Variants in FBXO27 observed in about 807,000 individuals in gnomAD.
The protein encoded by FBXO27 is F-box protein 27.
Under a neutral mutation model 28.3 loss-of-function variants are expected in FBXO27, and 28 were observed. The ratio of observed to expected loss-of-function variants is 0.99; its 90% CI spans 0.73 to 1.36. The LOEUF (loss-of-function observed/expected upper bound fraction) is 1.36. Ranked by LOEUF, FBXO27 falls within the 40% of genes most tolerant of loss-of-function variation. The pLI, the probability that FBXO27 is intolerant of heterozygous loss-of-function variation, is 0.00. For missense variants in FBXO27, 388 were observed against 394.1 expected (o/e 0.98, Z 0.13); for synonymous variants, 175 against 167.3 (o/e 1.05, Z -0.36).
At chr19:39,010,730 G>A (rs568100216) in intron 2 of FBXO27, among the ~76,000 whole-genome samples, 29 of 152,346 alleles carry the variant, frequency 1.9e-4, no homozygotes, top group African/African-American at 7.0e-4. Context: ...ATCTGCATGT[G>A]TTTAAAGTAG....
chr19:39,007,394 G>T (rs1304170034), intron 2 of FBXO27, among the ~76,000 whole-genome samples: 1 of 152,180 alleles, frequency 6.6e-6, no homozygotes, highest in Admixed American at 6.6e-5. Flanking sequence ...CAGGAGCTGG[G>T]CCACCCCAGG....
chr19:39,031,181 C>G (rs998322265), intron 3 of FBXO27, 28 bp downstream of exon 3: 1 of 1,613,278 alleles, frequency 6.2e-7, no homozygotes, highest in Non-Finnish European at 8.5e-7. Context: ...AACAAGGGGC[C>G]GGACCTTTGG....
rs765448795 is a variant in FBXO27 at position 39,025,555 on chromosome 19, C to T, written c.709-1G>A. 6.2e-7 allele frequency: 1 copy of T among 1,612,546 alleles called. No homozygotes were observed. Among genetic ancestry groups the T allele is most frequent in the Non-Finnish European group, 8.5e-7 (1 of 1,179,114 alleles). ...TGATGTTGGAGAACACGTGGGTGAC[C>T]TGTAGGCAGAGGAGGGGCTCAGCTC... On this transcript the variant is annotated splice_acceptor_variant, in intron 5 of 5. Coordinates refer to ENST00000292853, the MANE Select transcript of FBXO27 (RefSeq NM_178820.5). LOFTEE classifies it high-confidence loss of function.
At chr19:39,025,743 T>C (rs1318137375) in intron 5 of FBXO27, among the ~76,000 whole-genome samples, 189 bp from the exon 6 acceptor site, 1 of 152,034 alleles carries the variant, frequency 6.6e-6, no homozygotes, top group Non-Finnish European at 1.5e-5. Flanking sequence ...TCGGGTGCGG[T>C]ATGGCTCGTG....
At chr19:39,019,666 C>T (rs915377830), downstream of FBXO27, among the ~76,000 whole-genome samples, 61 of 152,090 alleles carry the variant, frequency 4.0e-4, no homozygotes, top group African/African-American at 1.5e-3. Flanking sequence ...AACCAAAAGG[C>T]AGCAGATGGG....
At chr19:39,028,482 C>T (rs1047815827) in intron 4 of FBXO27, among the ~76,000 whole-genome samples, 6 of 152,136 alleles carry the variant, frequency 3.9e-5, no homozygotes, top group Non-Finnish European at 7.3e-5. Flanking sequence ...CACCTGTAAT[C>T]CCAGCACTTT....
chr19:39,026,932 G>T lies in FBXO27; in HGVS notation c.646C>A (p.Leu216Ile). ...TCAGGCACAGCAGAGAATTTATCTA[G>T]AACAGTCTGGTTGGCGTCTAGAAGT... Reference protein sequence around the residue: ...VQLLDANQTVLDKFSAVPDPI... With the variant: ...VQLLDANQTVIDKFSAVPDPI... The change falls in exon 5 of 6, where the codon CTA (leucine) becomes ATA (isoleucine). Residue 216 changes from leucine (L) to isoleucine (I), a missense_variant. Coordinates refer to ENST00000292853, the MANE Select transcript of FBXO27 (RefSeq NM_178820.5). 1 of 1,614,216 alleles carries T rather than the reference G, an allele frequency of 6.2e-7. No homozygotes were observed. Among genetic ancestry groups the T allele is most frequent in the Non-Finnish European group, 8.5e-7 (1 of 1,180,036 alleles).
intron 2 of FBXO27, among the ~76,000 whole-genome samples, chr19:39,011,723 C>T (rs1055717642): frequency 5.3e-5 from 8 of 151,162 alleles, no homozygotes; most frequent in African/African-American, 1.5e-4. Flanking sequence ...TTTGTTGCCC[C>T]GGCTGGTCTT....
At chr19:39,018,288 C>T (rs185742871) in intron 1 of FBXO27, among the ~76,000 whole-genome samples, 9 of 152,220 alleles carry the variant, frequency 5.9e-5, no homozygotes, top group East Asian at 1.9e-4. Context: ...CATAATTGCA[C>T]GAAATTAACT....
intron 1 of FBXO27, among the ~76,000 whole-genome samples, chr19:39,017,371 G>T (rs1318272582): frequency 6.6e-6 from 1 of 152,108 alleles, no homozygotes; most frequent in Admixed American, 6.6e-5. Context: ...TATAGTGCAA[G>T]CATAAACATT....
At chr19:39,030,965 A>G (rs150422002) in intron 4 of FBXO27, 64 bp downstream of exon 4, 27,061 of 1,410,220 alleles carry the variant, frequency 0.019, 308 homozygotes, top group Non-Finnish European at 0.022. Flanking sequence ...TAAGTCACCC[A>G]TAAAAAGGCC....
intron 2 of FBXO27, among the ~76,000 whole-genome samples, chr19:39,013,460 T>C (rs1293882863): frequency 1.3e-5 from 2 of 151,406 alleles, no homozygotes; most frequent in Non-Finnish European, 2.9e-5. Context: ...TGAAGCCCCG[T>C]CTCTACTAAA....
At chr19:39,008,843 C>G (rs1204411432) in intron 2 of FBXO27, among the ~76,000 whole-genome samples, 1 of 152,112 alleles carries the variant, frequency 6.6e-6, no homozygotes, top group Non-Finnish European at 1.5e-5. Flanking sequence ...TGTTTTGAGA[C>G]AGAGTCTCGC....
chr19:39,031,629 C>T (rs888494115), intron 2 of FBXO27, among the ~76,000 whole-genome samples: 9 of 151,976 alleles, frequency 5.9e-5, no homozygotes, highest in African/African-American at 2.2e-4. Flanking sequence ...ACCCTGCGTG[C>T]CAATGCTGCC....
chr19:39,007,800 G>A (rs1278219480), intron 2 of FBXO27, among the ~76,000 whole-genome samples: 1 of 151,934 alleles, frequency 6.6e-6, no homozygotes, highest in Non-Finnish European at 1.5e-5. Context: ...ATGCCACCAC[G>A]CCTGGCTAAT....
chr19:39,012,984 C>T (rs2072803132), intron 2 of FBXO27, among the ~76,000 whole-genome samples: 1 of 55,032 alleles, frequency 1.8e-5, no homozygotes, highest in African/African-American at 5.8e-5. Flanking sequence ...AACAAACAAA[C>T]GAACAAACAA....
At chr19:39,025,676 A>G (rs2072869370) in intron 5 of FBXO27, 122 bp from the exon 6 acceptor site, 8 of 1,259,978 alleles carry the variant, frequency 6.3e-6, no homozygotes, top group African/African-American at 6.1e-5. Context: ...ATTGGGCCAC[A>G]TGTTCTTCTA....
chr19:39,022,447 G>A (rs1456180586), downstream of FBXO27, among the ~76,000 whole-genome samples: 2 of 151,764 alleles, frequency 1.3e-5, no homozygotes, highest in Non-Finnish European at 2.9e-5. Flanking sequence ...AGTCTTTCCC[G>A]AATATTGTCT....
chr19:39,008,598 C>T (rs2072781298), intron 2 of FBXO27, among the ~76,000 whole-genome samples: 2 of 152,124 alleles, frequency 1.3e-5, no homozygotes, highest in Admixed American at 6.6e-5. Flanking sequence ...ACCATCACCA[C>T]CATCTAGTTC....
Sources: gnomAD v4.1 joint callset for allele counts (sites outside exome capture counted in the v4.1 genomes callset) on GRCh38, gnomAD v4.1.1 for gene constraint, MANE v1.5 for transcripts, NCBI Gene and HGNC (gene_info 2026-07-23, HGNC 2026-07-21) for gene names.